NAALADL2: variants seen among roughly 807,000 people sequenced by gnomAD.
The protein encoded by NAALADL2 is inactive N-acetylated-alpha-linked acidic dipeptidase-like protein 2.
Under a neutral mutation model 87.2 loss-of-function variants are expected in NAALADL2, and 76 were observed. That is an observed-to-expected ratio of 0.87 (90% CI 0.72 to 1.05). The LOEUF is 1.05. NAALADL2 is among the 50% of genes least tolerant of loss of function. NAALADL2 has a pLI of 0.00. For missense variants in NAALADL2, 1,089 were observed against 945.8 expected, an observed-to-expected ratio of 1.15 and a Z score of -1.99; for synonymous variants, 354 against 331.0, an observed-to-expected ratio of 1.07 and a Z score of -0.75.
chr3:175,129,947 T>C (rs949415058), intron 2 of NAALADL2, among the ~76,000 whole-genome samples: 1 of 152,216 alleles, frequency 6.6e-6, no homozygotes, highest in Non-Finnish European at 1.5e-5. Context: ...ATAGTGTACT[T>C]TTCTCCACAT....
intron 11 of NAALADL2, among the ~76,000 whole-genome samples, chr3:175,686,235 A>G (rs1736277295): frequency 6.6e-6 from 1 of 152,160 alleles, no homozygotes; most frequent in Non-Finnish European, 1.5e-5. Flanking sequence ...AAAATCAATA[A>G]TTAAGGTTAT....
At chr3:174,953,829 T>C (rs1740775493) in intron 1 of NAALADL2, among the ~76,000 whole-genome samples, 1 of 152,054 alleles carries the variant, frequency 6.6e-6, no homozygotes, top group Non-Finnish European at 1.5e-5. Context: ...ATGGAATTAA[T>C]CACTTTTTAA....
At position 174,822,230 on chromosome 3, in the gene NAALADL2, G is replaced by A. The variant is rs192494333; in HGVS notation, c.-9+84484G>A. Among the ~76,000 whole-genome samples the A allele has an allele frequency of 3.9e-5, 6 of 152,098 alleles. No individual in the cohort carries two copies. The East Asian group carries it at 5.8e-4, about 15-fold the overall frequency. On this transcript the variant is annotated intron_variant, in intron 3 of 3. Transcript: ENST00000434257. ...AGCAAATATAACACTATATGAGAGC[G>A]GATAGACCCTGAGTGGGAAGATAAG...
At chr3:174,728,959 A>G (rs1439463522) in intron 2 of NAALADL2, among the ~76,000 whole-genome samples, 1 of 152,118 alleles carries the variant, frequency 6.6e-6, no homozygotes, top group Non-Finnish European at 1.5e-5. Context: ...CATACAGCAC[A>G]AAGCCTAGAA....
At chr3:174,906,093 T>C (rs528325957) in intron 1 of NAALADL2, among the ~76,000 whole-genome samples, 3 of 152,244 alleles carry the variant, frequency 2.0e-5, no homozygotes, top group East Asian at 1.9e-4. Context: ...CATTTCTGTA[T>C]ATTGTACAAA....
At chr3:175,788,256 C>T (rs1752353245) in intron 13 of NAALADL2, among the ~76,000 whole-genome samples, 1 of 151,908 alleles carries the variant, frequency 6.6e-6, no homozygotes, top group Non-Finnish European at 1.5e-5. Context: ...CTATGCTCAA[C>T]TAATTTTTGT....
At chr3:174,657,520 G>A (rs1725084891) in intron 2 of NAALADL2, among the ~76,000 whole-genome samples, 1 of 152,006 alleles carries the variant, frequency 6.6e-6, no homozygotes, top group Non-Finnish European at 1.5e-5. Context: ...TTGAGAGGAA[G>A]GCATAGAGAT....
At chr3:174,540,841 T>TAAAAC (rs1225615486) in intron 1 of NAALADL2, 2 of 152,198 alleles carry the variant, frequency 1.3e-5, no homozygotes, top group African/African-American at 2.4e-5. Context: ...GACTAAGAAC[T>TAAAAC]TTACATGTGA....
intron 10 of NAALADL2, among the ~76,000 whole-genome samples, chr3:175,599,788 A>G (rs1290988971): frequency 6.6e-6 from 1 of 152,196 alleles, no homozygotes; most frequent in African/African-American, 2.4e-5. Context: ...TTATTATGAT[A>G]ATATTACCCA....
At chr3:175,331,523 C>T (rs1474810782) in intron 5 of NAALADL2, among the ~76,000 whole-genome samples, 2 of 152,092 alleles carry the variant, frequency 1.3e-5, no homozygotes, top group Non-Finnish European at 2.9e-5. Context: ...ATATGGTCAC[C>T]TCAATAGATA....
intron 13 of NAALADL2, among the ~76,000 whole-genome samples, chr3:175,801,641 C>T (rs1754162656): frequency 6.6e-6 from 1 of 152,002 alleles, no homozygotes; most frequent in Admixed American, 6.6e-5. Flanking sequence ...TAGACCTTTC[C>T]CAGTAGCAAT....
intron 10 of NAALADL2, among the ~76,000 whole-genome samples, chr3:175,615,600 G>A (rs1267187564): frequency 6.6e-6 from 1 of 151,864 alleles, no homozygotes; most frequent in African/African-American, 2.4e-5. Context: ...GCTCATATCT[G>A]TAATCCCAGC....
chr3:175,279,631 A>G (rs1177397763), intron 4 of NAALADL2, among the ~76,000 whole-genome samples: 3 of 152,048 alleles, frequency 2.0e-5, no homozygotes, highest in Admixed American at 6.6e-5. Flanking sequence ...GGCTTTTTTT[A>G]TGGCAGTAGA....
At chr3:174,575,187 C>G (rs763958028) in intron 2 of NAALADL2, among the ~76,000 whole-genome samples, 8 of 152,028 alleles carry the variant, frequency 5.3e-5, no homozygotes, top group Non-Finnish European at 1.0e-4. Context: ...TTGATCAACT[C>G]TCCACTGCAG....
At chr3:174,753,555 T>C (rs1184856) in intron 3 of NAALADL2, among the ~76,000 whole-genome samples, 108,672 of 152,106 alleles carry the variant, frequency 0.71, 38,940 homozygotes, top group Non-Finnish European at 0.74. Context: ...AAGATCATAC[T>C]TTTTAAAGTA....
At chr3:175,785,264 ACTTT>A (rs1241405094) in intron 13 of NAALADL2, among the ~76,000 whole-genome samples, 2 of 149,916 alleles carry the variant, frequency 1.3e-5, no homozygotes, top group African/African-American at 2.5e-5. Flanking sequence ...ATCCTTGTTG[ACTTT>A]CTGTCTTGTT....
chr3:175,450,296 A>G (rs1186349511), intron 6 of NAALADL2, among the ~76,000 whole-genome samples: 3 of 152,156 alleles, frequency 2.0e-5, no homozygotes, highest in African/African-American at 4.8e-5. Flanking sequence ...AATAACAGCA[A>G]TGCTTATTAT....
intron 1 of NAALADL2, among the ~76,000 whole-genome samples, chr3:174,447,784 CA>C (rs1446108623): frequency 1.3e-5 from 2 of 151,958 alleles, no homozygotes; most frequent in African/African-American, 4.8e-5. Context: ...CACTGCACTC[CA>C]GCCGGGGCAA....
In NAALADL2 at chr3:175,093,060, C is replaced by G. The variant is rs187228936; in HGVS notation, c.44-3730C>G. 7.9e-5 allele frequency among the ~76,000 whole-genome samples: 12 copies of G among 151,876 alleles called. No homozygotes were observed. The East Asian group carries it at 1.9e-3, about 24-fold the overall frequency. ...TTCATGCAGATTATAAAATCTACTA[C>G]ATGTACTTTTAACACTCACATGGGG... is the stretch of plus-strand genomic sequence containing the variant. On this transcript the variant is annotated intron_variant, in intron 1 of 13. Coordinates refer to ENST00000454872, the MANE Select transcript of NAALADL2 (RefSeq NM_207015.3).
Sources: gnomAD v4.1 joint callset for allele counts (sites outside exome capture counted in the v4.1 genomes callset) on GRCh38, gnomAD v4.1.1 for gene constraint, MANE v1.5 for transcripts, NCBI Gene and HGNC (gene_info 2026-07-23, HGNC 2026-07-21) for gene names.